Variants in DOK5 observed in about 807,000 individuals in gnomAD.
The protein encoded by DOK5 is docking protein 5.
DOK5 carries 27 observed loss-of-function variants against 43.3 expected under a neutral mutation model. The ratio of observed to expected loss-of-function variants is 0.62; its 90% CI spans 0.46 to 0.86. The LOEUF is 0.86. DOK5 is among the 40% of genes least tolerant of loss of function. DOK5 has a pLI of 0.00. For synonymous variants in DOK5, 146 were observed against 140.1 expected, an observed-to-expected ratio of 1.04 and a Z score of -0.30; for missense variants, 373 against 392.9, an observed-to-expected ratio of 0.95 and a Z score of 0.43.
At chr20:54,533,757 T>C (rs1983859849) in intron 1 of DOK5, among the ~76,000 whole-genome samples, 1 of 152,218 alleles carries the variant, frequency 6.6e-6, no homozygotes, top group Non-Finnish European at 1.5e-5. Flanking sequence ...TAATATTAAA[T>C]TTGTGATATA....
chr20:54,643,509 CT>C lies in DOK5; in HGVS notation c.788del (p.Leu263ArgfsTer29), dbSNP rs1460844673. The C allele has an allele frequency of 6.2e-7, 1 of 1,613,566 alleles. No homozygotes were observed. The highest frequency in any genetic ancestry group is 8.5e-7 in the Non-Finnish European group (1 of 1,180,046). Reference protein sequence around the residue: ...RAASLSTMVPLPRSAYWQHIT... With the variant: ...RAASLSTMVPXPRSAYWQHIT... Reference sequence around the variant, plus strand: ...CGCCTCGCTGAGCACCATGGTGCCCCTGCCTCGCAGCGCCTACTGGCAGCAC... The same window carrying C: ...CGCCTCGCTGAGCACCATGGTGCCCCGCCTCGCAGCGCCTACTGGCAGCAC... On this transcript the variant is annotated frameshift_variant, in exon 7 of 8. Coordinates refer to ENST00000262593, the MANE Select transcript of DOK5 (RefSeq NM_018431.5). LOFTEE classifies it high-confidence loss of function.
chr20:54,638,289 G>C (rs889220750), intron 6 of DOK5, among the ~76,000 whole-genome samples: 1 of 152,122 alleles, frequency 6.6e-6, no homozygotes, highest in African/African-American at 2.4e-5. Flanking sequence ...ATCTAAAGGA[G>C]GTGATTCCTG....
chr20:54,637,837 C>A (rs1188444659), intron 6 of DOK5, among the ~76,000 whole-genome samples: 2 of 152,206 alleles, frequency 1.3e-5, no homozygotes, highest in African/African-American at 2.4e-5. Context: ...ATAATCCCTA[C>A]TTTGGCCGGG....
chr20:54,507,325 AC>A (rs1982847028), intron 1 of DOK5, among the ~76,000 whole-genome samples: 1 of 152,248 alleles, frequency 6.6e-6, no homozygotes, highest in South Asian at 2.1e-4. Context: ...CATGTGAGCC[AC>A]ATGTACAATT....
chr20:54,533,106 C>A (rs1983836257), intron 1 of DOK5, among the ~76,000 whole-genome samples: 2 of 152,284 alleles, frequency 1.3e-5, no homozygotes, highest in South Asian at 4.2e-4. Context: ...TCTTCTTTGC[C>A]TAATGCCTTC....
chr20:54,578,081 T>C (rs887991558), intron 2 of DOK5, among the ~76,000 whole-genome samples: 3 of 152,202 alleles, frequency 2.0e-5, no homozygotes, highest in African/African-American at 7.2e-5. Context: ...ACTTTATCTT[T>C]ACTGAATCTT....
intron 1 of DOK5, among the ~76,000 whole-genome samples, chr20:54,525,116 T>C (rs1189188958): frequency 3.9e-5 from 6 of 152,236 alleles, no homozygotes; most frequent in African/African-American, 1.4e-4. Flanking sequence ...GGTCTAATTA[T>C]GAGTGTCCTT....
At chr20:54,589,617 A>AG (rs1410083601) in intron 4 of DOK5, among the ~76,000 whole-genome samples, 9 of 152,196 alleles carry the variant, frequency 5.9e-5, no homozygotes, top group African/African-American at 2.2e-4. Flanking sequence ...GTTCTGCTGT[A>AG]GGCTGACTTG....
rs182511849 is a variant in DOK5, at chr20:54,518,617, T to C, written c.67-36316T>C. On this transcript the variant is annotated intron_variant, in intron 1 of 7. Transcript: ENST00000262593. ...CATGTGTCTTTATAGCAGCATGCTTTATAATCCTTTGGGTATATACCCAAT... is the reference window on the plus strand; with the variant it reads ...CATGTGTCTTTATAGCAGCATGCTTCATAATCCTTTGGGTATATACCCAAT... 9.2e-4 allele frequency among the ~76,000 whole-genome samples: 140 copies of C among 152,328 alleles called. 2 individuals are homozygous for C. The East Asian group carries it at 0.02, about 22-fold the overall frequency.
chr20:54,618,349 C>CTT (rs34232628), intron 6 of DOK5, among the ~76,000 whole-genome samples: 2 of 145,824 alleles, frequency 1.4e-5, no homozygotes, highest in African/African-American at 5.1e-5. Context: ...TTTTTTTTCC[C>CTT]TTTTTTTTTT....
intron 1 of DOK5, among the ~76,000 whole-genome samples, chr20:54,531,675 T>A (rs1413428679): frequency 6.6e-6 from 1 of 152,200 alleles, no homozygotes; most frequent in Non-Finnish European, 1.5e-5. Context: ...GAAAAAGCAA[T>A]CCAGTAAAAC....
At position 54,634,430 on chromosome 20, in the gene DOK5, T is replaced by C. The variant is rs1488125431; in HGVS notation, c.736-9028T>C. Among the ~76,000 whole-genome samples the C allele has an allele frequency of 2.8e-5, 4 of 144,522 alleles. No individual in the cohort carries two copies. The East Asian group carries it at 7.8e-4, about 28-fold the overall frequency. 94.8% of individuals were successfully genotyped at this position (144,522 alleles called of 152,430 possible). A position where few individuals can be genotyped will look rare whatever the true frequency, so the allele number is the denominator to read the frequency against. ...AAGTAGCCACTCAACTAATTCATCA[T>C]ATCATGCTTTTTTTTTTTTTTTTTT... On this transcript the variant is annotated intron_variant, in intron 6 of 7. Coordinates refer to ENST00000262593, the MANE Select transcript of DOK5 (RefSeq NM_018431.5).
chr20:54,650,135 C>T (rs1351956443), intron 7 of DOK5, among the ~76,000 whole-genome samples: 1 of 152,250 alleles, frequency 6.6e-6, no homozygotes. Context: ...TCTCATTTCT[C>T]CTGAATACCC....
intron 6 of DOK5, among the ~76,000 whole-genome samples, chr20:54,613,491 C>T (rs1184872174): frequency 2.6e-5 from 4 of 152,114 alleles, no homozygotes; most frequent in Non-Finnish European, 5.9e-5. Flanking sequence ...CTCTGCCCGC[C>T]ACACAAGAAC....
At position 54,637,985 on chromosome 20, in the gene DOK5, G is replaced by A. The variant is rs375969913; in HGVS notation, c.736-5473G>A. ...AAAATACAAATAATCAGCCAGGCGT[G>A]GTGGCGGGCACCTGTAGTCCCAGTG... On this transcript the variant is annotated intron_variant, in intron 6 of 7. Coordinates refer to ENST00000262593, the MANE Select transcript of DOK5 (RefSeq NM_018431.5). Among the ~76,000 whole-genome samples, 5 of 152,130 alleles carry A rather than the reference G, an allele frequency of 3.3e-5. No individual in the cohort carries two copies. The South Asian group carries it at 6.2e-4, about 19-fold the overall frequency.
At position 54,486,391 on chromosome 20, in the gene DOK5, T is replaced by C. The variant is rs530563426; in HGVS notation, c.66+10379T>C. On this transcript the variant is annotated intron_variant, in intron 1 of 7. Coordinates refer to ENST00000262593, the MANE Select transcript of DOK5 (RefSeq NM_018431.5). ...ATAGACATATATGTCTATATATGTC[T>C]GTATTTGTAACTATACAATAAGTCT... Among the ~76,000 whole-genome samples, 13 of 152,310 alleles carry C rather than the reference T, an allele frequency of 8.5e-5. No homozygotes were observed. In the South Asian group the frequency reaches 2.3e-3, roughly 27 times the overall value.
chr20:54,596,974 CT>C (rs1331908233), intron 5 of DOK5, among the ~76,000 whole-genome samples: 28 of 152,298 alleles, frequency 1.8e-4, no homozygotes, highest in African/African-American at 6.7e-4. Context: ...CTACTCTCTG[CT>C]GTCATTATAT....
intron 6 of DOK5, among the ~76,000 whole-genome samples, chr20:54,626,019 G>A (rs1445191817): frequency 6.6e-6 from 1 of 152,210 alleles, no homozygotes; most frequent in Non-Finnish European, 1.5e-5. Flanking sequence ...TTAGAGGAAG[G>A]AGCACCGTTG....
chr20:54,630,569 T>C (rs1362172245), intron 6 of DOK5, among the ~76,000 whole-genome samples: 1 of 152,190 alleles, frequency 6.6e-6, no homozygotes, highest in African/African-American at 2.4e-5. Context: ...TGTCAGGTTG[T>C]AGATAGATGG....
Sources: allele counts gnomAD v4.1 joint callset (sites outside exome capture counted in the v4.1 genomes callset), GRCh38; gene constraint gnomAD v4.1.1; transcripts MANE v1.5; gene names NCBI Gene and HGNC (gene_info 2026-07-23, HGNC 2026-07-21).